The following PCDHGA1 variants were observed in gnomAD, a reference collection of about 807,000 sequenced individuals.
PCDHGA1 encodes the protein protocadherin gamma subfamily A, 1, also known as protocadherin gamma-A1.
PCDHGA1 carries 32 observed loss-of-function variants against 58.0 expected under a neutral mutation model. The observed-to-expected ratio is 0.55, with a 90% CI of 0.42 to 0.74. PCDHGA1 has a LOEUF of 0.74. PCDHGA1 is among the 30% of genes least tolerant of loss of function. PCDHGA1 has a pLI of 0.00. For missense variants in PCDHGA1, 1,205 were observed against 1,182.3 expected (o/e 1.02, Z -0.28); for synonymous variants, 498 against 501.1 (o/e 0.99, Z 0.08).
At chr5:141,355,428 C>A in intron 1 of PCDHGA1, 1 of 1,614,082 alleles carries the variant, frequency 6.2e-7, no homozygotes, top group Non-Finnish European at 8.5e-7. Context: ...AGCTTTTCGC[C>A]CTGAACCCGC....
intron 1 of PCDHGA1, chr5:141,393,457 C>T (rs780177231): frequency 1.9e-6 from 3 of 1,614,050 alleles, no homozygotes; most frequent in East Asian, 2.2e-5. Flanking sequence ...CTCACGGCCT[C>T]GGATGGCGGC....
intron 1 of PCDHGA1, chr5:141,374,747 C>A (rs764039295): frequency 1.9e-6 from 3 of 1,612,140 alleles, no homozygotes; most frequent in Non-Finnish European, 2.5e-6. Context: ...CGACCCTGTC[C>A]GCTCAAGCGT....
intron 1 of PCDHGA1, chr5:141,413,378 T>G (rs2095632557): frequency 6.2e-7 from 1 of 1,613,616 alleles, no homozygotes; most frequent in Non-Finnish European, 8.5e-7. Context: ...GAGCGCGGAG[T>G]CCGCATAGTC....
At chr5:141,353,544 G>A (rs1278029752) in intron 1 of PCDHGA1, among the ~76,000 whole-genome samples, 1 of 152,080 alleles carries the variant, frequency 6.6e-6, no homozygotes, top group African/African-American at 2.4e-5. Context: ...CACTAACTTT[G>A]AGTCAATATT....
chr5:141,394,557 G>A (rs372165481), intron 1 of PCDHGA1: 23 of 1,613,964 alleles, frequency 1.4e-5, no homozygotes, highest in South Asian at 4.4e-5. Context: ...GCCCCGCTCC[G>A]CAGAGCGTGG....
At chr5:141,482,602 C>T (rs2099569087) in intron 1 of PCDHGA1, among the ~76,000 whole-genome samples, 1 of 142,506 alleles carries the variant, frequency 7.0e-6, no homozygotes, top group Non-Finnish European at 1.5e-5. Flanking sequence ...CGGGAAAAAA[C>T]ACCTAAATGA....
intron 1 of PCDHGA1, chr5:141,422,627 C>T: frequency 6.2e-7 from 1 of 1,613,350 alleles, no homozygotes; most frequent in Non-Finnish European, 8.5e-7. Flanking sequence ...GAAAACAACC[C>T]CAGGGGTGCC....
intron 1 of PCDHGA1, chr5:141,370,594 G>A (rs755061180): frequency 1.2e-6 from 2 of 1,613,892 alleles, no homozygotes; most frequent in Admixed American, 1.7e-5. Context: ...AGGAACCTGC[G>A]GGTTATTGCA....
At chr5:141,358,638 T>C (rs1760977216) in intron 1 of PCDHGA1, among the ~76,000 whole-genome samples, 1 of 152,176 alleles carries the variant, frequency 6.6e-6, no homozygotes, top group Non-Finnish European at 1.5e-5. Context: ...CAGTCATATA[T>C]AAGTAGATTC....
chr5:141,355,062 GC>G, intron 1 of PCDHGA1: 1 of 1,307,734 alleles, frequency 7.6e-7, no homozygotes, highest in Non-Finnish European at 1.0e-6. Flanking sequence ...TGGCTCTGGA[GC>G]TTTATGAAAG....
chr5:141,501,025 C>T (rs999221755), intron 2 of PCDHGA1, among the ~76,000 whole-genome samples: 94 of 152,100 alleles, frequency 6.2e-4, no homozygotes, highest in East Asian at 1.9e-3. Flanking sequence ...CGCGCCACCA[C>T]GCCCAGCTAA....
At position 141,430,895 on chromosome 5, in the gene PCDHGA1, G is replaced by A. The variant is rs775296800; in HGVS notation, c.2422-63912G>A. 6.9e-6 allele frequency: 11 copies of A among 1,605,692 alleles called. No individual in the cohort carries two copies. The Admixed American group carries it at 1.0e-4, about 15-fold the overall frequency. ...AGAGCTGGAGAAAGGCTCTAGGGTG[G>A]GCGACATCTCCAGGGACCTGGGGCT... On this transcript the variant is annotated intron_variant, in intron 1 of 3. Coordinates refer to ENST00000517417, the MANE Select transcript of PCDHGA1 (RefSeq NM_018912.3).
At chr5:141,360,018 A>C in intron 1 of PCDHGA1, 12 of 1,225,116 alleles carry the variant, frequency 9.8e-6, no homozygotes, top group Non-Finnish European at 1.3e-5. Flanking sequence ...CACACAGAGA[A>C]GGCCAGTATA....
intron 1 of PCDHGA1, among the ~76,000 whole-genome samples, chr5:141,474,644 C>G (rs1016496399): frequency 4.6e-5 from 7 of 152,180 alleles, no homozygotes; most frequent in Non-Finnish European, 1.0e-4. Flanking sequence ...CCTATATATC[C>G]TTACTTCTTT....
intron 1 of PCDHGA1, chr5:141,413,303 T>G (rs772421197): frequency 6.8e-6 from 11 of 1,613,942 alleles, no homozygotes; most frequent in Middle Eastern, 3.3e-4. Flanking sequence ...CCTGAGGAAT[T>G]AGAGAAAGGC....
intron 1 of PCDHGA1, chr5:141,413,078 C>T: frequency 7.7e-7 from 1 of 1,301,152 alleles, no homozygotes; most frequent in Non-Finnish European, 1.1e-6. Flanking sequence ...AGTGCCCAGG[C>T]TACAGAGACA....
intron 1 of PCDHGA1, among the ~76,000 whole-genome samples, chr5:141,458,695 G>A (rs551105765): frequency 2.0e-5 from 3 of 151,852 alleles, no homozygotes; most frequent in Non-Finnish European, 2.9e-5. Context: ...TCAGCCTCCC[G>A]AGTAGCTGGG....
chr5:141,497,885 A>T (rs1469477968), intron 2 of PCDHGA1, among the ~76,000 whole-genome samples: 1 of 152,166 alleles, frequency 6.6e-6, no homozygotes, highest in Non-Finnish European at 1.5e-5. Flanking sequence ...AAGCGTTAGG[A>T]TCTAGTCCAG....
At chr5:141,363,656 A>C (rs1763020293) in intron 1 of PCDHGA1, among the ~76,000 whole-genome samples, 1 of 152,232 alleles carries the variant, frequency 6.6e-6, no homozygotes, top group African/African-American at 2.4e-5. Context: ...AAAGATCTTT[A>C]TTTCTTCTGC....
Sources: allele counts gnomAD v4.1 joint callset (sites outside exome capture counted in the v4.1 genomes callset), GRCh38; gene constraint gnomAD v4.1.1; transcripts MANE v1.5; gene names NCBI Gene and HGNC (gene_info 2026-07-23, HGNC 2026-07-21).